PCSK5: variants seen among roughly 807,000 people sequenced by gnomAD.
The protein encoded by PCSK5 is proprotein convertase subtilisin/kexin type 5, also known as prohormone convertase 5.
Under a neutral mutation model 233.2 loss-of-function variants are expected in PCSK5, and 129 were observed. That is an observed-to-expected ratio of 0.55 (90% CI 0.48 to 0.64). PCSK5 has a LOEUF of 0.64. Among genes scored for constraint, PCSK5 ranks in the 30% least tolerant of loss-of-function variants. The pLI is 0.00. For synonymous variants in PCSK5, 825 were observed against 879.2 expected (o/e 0.94, Z 1.09); for missense variants, 2,076 against 2,430.1 (o/e 0.85, Z 3.06).
chr9:76,184,393 A>AG (rs1346777171), intron 16 of PCSK5, among the ~76,000 whole-genome samples: 2 of 151,620 alleles, frequency 1.3e-5, no homozygotes. Flanking sequence ...AGAAGAAAAA[A>AG]AAAAGACCTA....
intron 24 of PCSK5, among the ~76,000 whole-genome samples, chr9:76,276,254 T>A (rs1827685290): frequency 6.6e-6 from 1 of 152,134 alleles, no homozygotes; most frequent in Non-Finnish European, 1.5e-5. Flanking sequence ...AAAATAAAAG[T>A]TTCTTGAGTG....
At chr9:76,218,552 A>C (rs774075777) in intron 20 of PCSK5, among the ~76,000 whole-genome samples, 1 of 149,904 alleles carries the variant, frequency 6.7e-6, no homozygotes, top group Non-Finnish European at 1.5e-5. Context: ...ATTATTATCT[A>C]ATATTTAATG....
intron 24 of PCSK5, among the ~76,000 whole-genome samples, chr9:76,276,680 C>G (rs1467194461): frequency 6.6e-6 from 1 of 152,190 alleles, no homozygotes; most frequent in East Asian, 1.9e-4. Context: ...CACGGCCTCA[C>G]TAGCCCATCT....
At position 76,179,699 on chromosome 9, in the gene PCSK5, G is replaced by A; in HGVS notation, c.2003+1G>A. On this transcript the variant is annotated splice_donor_variant, in intron 15 of 37. Coordinates refer to ENST00000674117, the MANE Select transcript of PCSK5 (RefSeq NM_001372043.1). LOFTEE classifies it high-confidence loss of function. ...ACTACAAGCTGAAAAACAATACCAG[G>A]TAAGAGAGGTGCCAAGTCACATCCC... 6.3e-7 allele frequency: 1 copy of A among 1,598,470 alleles called. No individual in the cohort carries two copies. The highest frequency in any genetic ancestry group is 8.6e-7 in the Non-Finnish European group (1 of 1,166,030).
At chr9:76,066,423 T>C (rs1830289683) in intron 5 of PCSK5, among the ~76,000 whole-genome samples, 1 of 152,230 alleles carries the variant, frequency 6.6e-6, no homozygotes, top group Non-Finnish European at 1.5e-5. Context: ...TACTCTCTAC[T>C]CTTTGATCCA....
chr9:75,895,060 A>G (rs1825753601), intron 1 of PCSK5, among the ~76,000 whole-genome samples: 1 of 152,186 alleles, frequency 6.6e-6, no homozygotes, highest in Admixed American at 6.5e-5. Context: ...TACCAGTAGC[A>G]AAGCCCCTTC....
At chr9:76,344,766 C>T (rs1280371271) in intron 35 of PCSK5, among the ~76,000 whole-genome samples, 2 of 152,092 alleles carry the variant, frequency 1.3e-5, no homozygotes, top group Non-Finnish European at 2.9e-5. Flanking sequence ...ATCTGACGAC[C>T]CTAATTCCAG....
chr9:76,302,874 A>G (rs1273836235), intron 28 of PCSK5, among the ~76,000 whole-genome samples: 3 of 152,134 alleles, frequency 2.0e-5, no homozygotes, highest in Non-Finnish European at 2.9e-5. Flanking sequence ...AAAAATAAAT[A>G]CAATAAATGA....
intron 4 of PCSK5, among the ~76,000 whole-genome samples, chr9:76,025,605 T>C (rs564444516): frequency 6.6e-6 from 1 of 152,316 alleles, no homozygotes; most frequent in Non-Finnish European, 1.5e-5. Flanking sequence ...TATCTACATA[T>C]GTTTCTTATA....
chr9:76,194,604 T>TG lies in PCSK5; in HGVS notation c.2626+4858_2626+4859insG, dbSNP rs542729285. ...TGCTGAGATGATCTGTTTTTTGGGGTTTTTTTTTTTTAAGAAATATTTTCA... is the reference window on the plus strand; with the variant it reads ...TGCTGAGATGATCTGTTTTTTGGGGTGTTTTTTTTTTTAAGAAATATTTTCA... On this transcript the variant is annotated intron_variant, in intron 20 of 37. Coordinates refer to ENST00000674117, the MANE Select transcript of PCSK5 (RefSeq NM_001372043.1). The TG allele has an allele frequency of 2.2e-3, 416 of 191,048 alleles. 4 individuals carry two copies. Among genetic ancestry groups the TG allele is most frequent in the African/African-American group, 0.014 (372 of 25,970 alleles). 11.8% of individuals were successfully genotyped at this position (191,048 alleles called of 1,614,324 possible).
At chr9:76,036,333 A>G (rs1464736488) in intron 5 of PCSK5, among the ~76,000 whole-genome samples, 1 of 152,196 alleles carries the variant, frequency 6.6e-6, no homozygotes, top group Non-Finnish European at 1.5e-5. Flanking sequence ...TCTGTAGGCT[A>G]TTTAAATAAA....
At chr9:76,159,440 C>T (rs1160367171) in intron 12 of PCSK5, among the ~76,000 whole-genome samples, 1 of 152,230 alleles carries the variant, frequency 6.6e-6, no homozygotes, top group East Asian at 1.9e-4. Flanking sequence ...AAAAGAATTG[C>T]AGAGCACTAA....
intron 5 of PCSK5, among the ~76,000 whole-genome samples, chr9:76,044,170 G>C (rs1829272695): frequency 6.6e-6 from 1 of 152,090 alleles, no homozygotes; most frequent in Non-Finnish European, 1.5e-5. Context: ...GATATAATTA[G>C]ACCAACGTAA....
At chr9:75,931,418 C>T (rs577364665) in intron 1 of PCSK5, among the ~76,000 whole-genome samples, 24 of 152,048 alleles carry the variant, frequency 1.6e-4, no homozygotes, top group Admixed American at 7.2e-4. Flanking sequence ...GGAATCTGGG[C>T]GCTGCAGTGG....
chr9:76,188,940 T>C (rs1824232679), intron 18 of PCSK5, among the ~76,000 whole-genome samples, 154 bp from the exon 19 acceptor site: 1 of 152,240 alleles, frequency 6.6e-6, no homozygotes, highest in South Asian at 2.1e-4. Flanking sequence ...CATTTTAACT[T>C]TGAAGGCTTT....
chr9:76,172,523 A>G (rs1230155031), intron 13 of PCSK5, among the ~76,000 whole-genome samples: 2 of 152,214 alleles, frequency 1.3e-5, no homozygotes, highest in Non-Finnish European at 2.9e-5. Flanking sequence ...TCCTTCAGAA[A>G]TGGCACAAAG....
chr9:76,328,287 AACTGCCTTGCAC>A lies in PCSK5; in HGVS notation c.4570+58_4570+69del, dbSNP rs767830575. On this transcript the variant is annotated intron_variant, in intron 33 of 37. Transcript: ENST00000674117. ...GCTTTGTGTTTCCATCTCTCTGGGA[AACTGCCTTGCAC>A]ACTGCCTTGTCCAGTAGATACTGGC... The A allele has an allele frequency of 1.2e-5, 16 of 1,374,654 alleles. No homozygotes were observed. In the South Asian group the frequency reaches 1.9e-4, roughly 16 times the overall value. The allele number at this position is 1,374,654 out of a possible 1,614,324, so 85.2% of individuals were successfully genotyped here.
At position 76,127,035 on chromosome 9, in the gene PCSK5, GA is replaced by G. The variant is rs1156279772; in HGVS notation, c.1209-7070del. Among the ~76,000 whole-genome samples the G allele has an allele frequency of 3.6e-4, 54 of 152,004 alleles. 1 individual carries two copies. Among genetic ancestry groups the G allele is most frequent in the Admixed American group, 3.5e-3 (54 of 15,260 alleles). On this transcript the variant is annotated intron_variant, in intron 9 of 37. Transcript: ENST00000674117. ...AAGTTGACAGTGAAAACTGATCATT[GA>G]AAAGCTTCATTTTAAAATATACTTC... is the stretch of plus-strand genomic sequence containing the variant.
rs899420142 is a variant in PCSK5 at position 76,332,622 on chromosome 9, A to G, written c.4748+12A>G. The G allele has an allele frequency of 3.0e-5, 47 of 1,545,350 alleles. No individual in the cohort carries two copies. The highest frequency in any genetic ancestry group is 4.0e-5 in the Non-Finnish European group (46 of 1,140,508). The stretch of plus-strand genomic sequence containing the variant: ...CAGTGCAGGGAAGGGTAAGTGCTCA[A>G]TACATTTTCCCCCATGTAATTTCAC... On this transcript the variant is annotated intron_variant, in intron 34 of 37. Transcript: ENST00000674117.
Sources: gnomAD v4.1 joint callset for allele counts (sites outside exome capture counted in the v4.1 genomes callset) on GRCh38, gnomAD v4.1.1 for gene constraint, MANE v1.5 for transcripts, NCBI Gene and HGNC (gene_info 2026-07-23, HGNC 2026-07-21) for gene names.